RBM19: variants seen among roughly 807,000 people sequenced by gnomAD.
RBM19 encodes RNA binding motif protein 19.
A neutral mutation model predicts 116.8 loss-of-function variants in RBM19; 94 were observed. The observed-to-expected ratio is 0.80, with a 90% CI of 0.68 to 0.95. The LOEUF (loss-of-function observed/expected upper bound fraction) is 0.95. RBM19 is among the 40% of genes least tolerant of loss of function. The pLI is 0.00. For synonymous variants in RBM19, 475 were observed against 494.1 expected, an observed-to-expected ratio of 0.96 and a Z score of 0.51; for missense variants, 1,161 against 1,220.7, an observed-to-expected ratio of 0.95 and a Z score of 0.73.
At chr12:113,928,588 G>A (rs1869327206) in intron 16 of RBM19, among the ~76,000 whole-genome samples, 1 of 150,304 alleles carries the variant, frequency 6.7e-6, no homozygotes, top group African/African-American at 2.4e-5. Context: ...ATTTTAGGGA[G>A]AGGAAGAGCA....
At chr12:113,832,743 T>C (rs1875537955) in intron 23 of RBM19, among the ~76,000 whole-genome samples, 1 of 152,220 alleles carries the variant, frequency 6.6e-6, no homozygotes, top group African/African-American at 2.4e-5. Flanking sequence ...TCCAGGTGGA[T>C]GGAAGGAACC....
intron 23 of RBM19, among the ~76,000 whole-genome samples, chr12:113,836,850 C>T (rs1043490761): frequency 8.3e-6 from 1 of 120,090 alleles, no homozygotes; most frequent in African/African-American, 3.3e-5. Flanking sequence ...ACACGTGTCC[C>T]AAGCAATGCT....
chr12:113,858,367 C>T (rs1593492414), intron 22 of RBM19, among the ~76,000 whole-genome samples: 2 of 152,198 alleles, frequency 1.3e-5, no homozygotes, highest in African/African-American at 2.4e-5. Context: ...AAGGGGAAGA[C>T]GCATTCCCGT....
At chr12:113,960,245 C>T (rs1872376648) in intron 2 of RBM19, 67 bp from the exon 3 acceptor site, 3 of 1,604,200 alleles carry the variant, frequency 1.9e-6, no homozygotes, top group Non-Finnish European at 2.6e-6. Context: ...TGCCCTTCGG[C>T]ACCTGGGAGC....
At chr12:113,958,960 C>T (rs1229172019) in intron 5 of RBM19, among the ~76,000 whole-genome samples, 2 of 152,256 alleles carry the variant, frequency 1.3e-5, no homozygotes, top group Non-Finnish European at 2.9e-5. Flanking sequence ...TTTTGCTTAT[C>T]AACATGGTCC....
chr12:113,854,162 T>C (rs1367184133), intron 22 of RBM19, among the ~76,000 whole-genome samples: 3 of 143,628 alleles, frequency 2.1e-5, no homozygotes, highest in Non-Finnish European at 4.6e-5. Flanking sequence ...TGAGCCTTGG[T>C]TTCCCAGCTG....
chr12:113,922,260 C>T (rs904433167), intron 18 of RBM19, among the ~76,000 whole-genome samples: 2 of 152,206 alleles, frequency 1.3e-5, no homozygotes, highest in African/African-American at 4.8e-5. Context: ...TCGGCCCCTT[C>T]CTTACAGACA....
At chr12:113,832,698 G>A (rs774911454) in intron 23 of RBM19, among the ~76,000 whole-genome samples, 1 of 152,180 alleles carries the variant, frequency 6.6e-6, no homozygotes, top group Non-Finnish European at 1.5e-5. Flanking sequence ...CCAGGTGAAG[G>A]AATGAAAATG....
At chr12:113,952,353 G>A (rs977636252) in intron 8 of RBM19, among the ~76,000 whole-genome samples, 159 bp downstream of exon 8, 1 of 152,218 alleles carries the variant, frequency 6.6e-6, no homozygotes, top group African/African-American at 2.4e-5. Flanking sequence ...GGCAAGAGAT[G>A]CAGCCTTAAC....
intron 23 of RBM19, among the ~76,000 whole-genome samples, chr12:113,836,821 T>TACACACAC (rs1565964414): frequency 2.2e-5 from 3 of 138,244 alleles, no homozygotes; most frequent in African/African-American, 5.4e-5. Context: ...ACTTACTACA[T>TACACACAC]ACATACACAC....
At chr12:113,933,403 C>T (rs1869787318) in intron 16 of RBM19, among the ~76,000 whole-genome samples, 1 of 152,112 alleles carries the variant, frequency 6.6e-6, no homozygotes, top group African/African-American at 2.4e-5. Flanking sequence ...AGGGGCTGTG[C>T]ATGTGCTGCG....
intron 21 of RBM19, among the ~76,000 whole-genome samples, chr12:113,864,653 G>T (rs1186761911): frequency 6.6e-6 from 1 of 152,228 alleles, no homozygotes; most frequent in African/African-American, 2.4e-5. Context: ...TGCACAGCTA[G>T]GAACAAACCT....
rs138920206 is a variant in RBM19 at position 113,830,337 on chromosome 12, A to G, written c.2786-7016T>C. On this transcript the variant is annotated intron_variant, in intron 23 of 23. Coordinates refer to ENST00000261741, the MANE Select transcript of RBM19 (RefSeq NM_016196.4). ...GTTCTGATGCAAATGGCCTGGGGTG[A>G]GCACGGGATATGATGACTGCTATGA... 5.9e-3 allele frequency among the ~76,000 whole-genome samples: 901 copies of G among 152,246 alleles called. 12 individuals are homozygous for G. The highest frequency in any genetic ancestry group is 0.021 in the African/African-American group (856 of 41,544).
At chr12:113,885,563 G>A (rs892755108) in intron 21 of RBM19, among the ~76,000 whole-genome samples, 9 of 152,108 alleles carry the variant, frequency 5.9e-5, no homozygotes, top group Admixed American at 1.3e-4. Context: ...ATTGTCTCTA[G>A]GTTAATTTCC....
chr12:113,949,005 C>T lies in RBM19; in HGVS notation c.1104G>A (p.Lys368=). ...GTGCACCCTTGGTGGTGGGGACGTT[C>T]TTTTCCCTGAACACCTCGATGTAGC... ...GGRYIEVFRE[K]NVPTTKGAPK... Residue 368 remains lysine (K), a synonymous_variant, in exon 10 of 24, where the codon AAG becomes AAA. Transcript: ENST00000261741. 6.2e-7 allele frequency: 1 copy of T among 1,614,156 alleles called. No individual in the cohort carries two copies. Among genetic ancestry groups the T allele is most frequent in the Non-Finnish European group, 8.5e-7 (1 of 1,180,010 alleles).
chr12:113,869,417 G>A (rs768824609), intron 21 of RBM19, among the ~76,000 whole-genome samples: 7 of 152,228 alleles, frequency 4.6e-5, no homozygotes, highest in South Asian at 2.1e-4. Flanking sequence ...CCTCTCAGGA[G>A]AGGATGGAGG....
chr12:113,851,344 T>C (rs1010540468), intron 22 of RBM19, among the ~76,000 whole-genome samples: 8 of 152,188 alleles, frequency 5.3e-5, no homozygotes, highest in Non-Finnish European at 7.4e-5. Context: ...TCAAAGTCTC[T>C]GGGGAGCTGA....
Position 113,959,879 on chromosome 12 carries a change from C to T in RBM19, c.364G>A (p.Gly122Ser), listed in dbSNP as rs1566045055. 1.2e-6 allele frequency: 2 copies of T among 1,614,072 alleles called. No individual in the cohort carries two copies. The highest frequency in any genetic ancestry group is 2.7e-5 in the African/African-American group (2 of 74,938). ...KKDEKKKKVA[G>S]QLEKLKEDTE... ...GACAGACTCACCTTCTCCAGTTGAC[C>T]TGCCACCTTTTTCTTCTTCTCATCC... is the stretch of plus-strand genomic sequence containing the variant. Residue 122 changes from glycine to serine, a missense_variant, in exon 4 of 24, where the codon GGT (glycine) becomes AGT (serine). Transcript: ENST00000261741.
intron 2 of RBM19, 76 bp downstream of exon 2, chr12:113,962,156 A>G: frequency 6.5e-7 from 1 of 1,534,802 alleles, no homozygotes; most frequent in Non-Finnish European, 8.9e-7. Context: ...ACGGTCTTTG[A>G]ACTCAAGTGC....
Sources: allele counts gnomAD v4.1 joint callset (sites outside exome capture counted in the v4.1 genomes callset), GRCh38; gene constraint gnomAD v4.1.1; transcripts MANE v1.5; gene names NCBI Gene and HGNC (gene_info 2026-07-23, HGNC 2026-07-21).